Variants in ADRA1B observed in about 807,000 individuals in gnomAD.
ADRA1B encodes alpha-1B adrenergic receptor.
Under a neutral mutation model 17.9 loss-of-function variants are expected in ADRA1B, and 17 were observed. That is an observed-to-expected ratio of 0.95 (90% CI 0.65 to 1.42). The LOEUF is 1.42. ADRA1B is among the 40% of genes most tolerant of loss of function. ADRA1B has a pLI of 0.00. For synonymous variants in ADRA1B, 366 were observed against 327.6 expected, an observed-to-expected ratio of 1.12 and a Z score of -1.27; for missense variants, 681 against 722.1, an observed-to-expected ratio of 0.94 and a Z score of 0.65.
At chr5:159,911,821 C>T (rs1034183645), upstream of ADRA1B, among the ~76,000 whole-genome samples, 12 of 152,188 alleles carry the variant, frequency 7.9e-5, no homozygotes, top group South Asian at 2.1e-4. Context: ...AATTCTTCTT[C>T]GAGTCCCCAC....
Position 159,972,868 on chromosome 5 carries a change from C to G in ADRA1B, c.*376C>G, listed in dbSNP as rs955059278. On this transcript the variant is annotated 3_prime_UTR_variant, in exon 2 of 2. Coordinates refer to ENST00000306675, the MANE Select transcript of ADRA1B (RefSeq NM_000679.4). The stretch of plus-strand genomic sequence containing the variant: ...TGCGTGGGGCCGCCCTGTGAGGGCG[C>G]GGCGACTGTGCGCCCAGGAGGCAAC... Among the ~76,000 whole-genome samples, 2 of 152,150 alleles carry G rather than the reference C, an allele frequency of 1.3e-5. No homozygotes were observed. The highest frequency in any genetic ancestry group is 2.9e-5 in the Non-Finnish European group (2 of 68,024).
intron 1 of ADRA1B, chr5:159,950,417 T>C: frequency 1.4e-6 from 1 of 739,418 alleles, no homozygotes; most frequent in South Asian, 1.5e-5. Context: ...GGGGACTGTG[T>C]GTGGCAGGGA....
chr5:159,972,516 C>G lies in ADRA1B; in HGVS notation c.*24C>G. The G allele has an allele frequency of 9.6e-7, 1 of 1,037,964 alleles. No individual in the cohort carries two copies. Among genetic ancestry groups the G allele is most frequent in the Non-Finnish European group, 1.2e-6 (1 of 852,120 alleles). 64.3% of individuals were successfully genotyped at this position (1,037,964 alleles called of 1,614,324 possible). On this transcript the variant is annotated 3_prime_UTR_variant, in exon 2 of 2. Transcript: ENST00000306675. Reference sequence around the variant, plus strand: ...AGGGCCCCCGTGCGCAGCTTTCTTTCCCTGGGGAGGAAAACATCGTGGGGG... The same window carrying G: ...AGGGCCCCCGTGCGCAGCTTTCTTTGCCTGGGGAGGAAAACATCGTGGGGG...
chr5:159,901,196 A>G (rs187271051), intron 1 of ADRA1B, among the ~76,000 whole-genome samples: 258 of 151,896 alleles, frequency 1.7e-3, no homozygotes, highest in Non-Finnish European at 3.2e-3. Flanking sequence ...GAGATCAAAG[A>G]TAATCCATTC....
chr5:159,886,864 A>AAT (rs879651847), intron 1 of ADRA1B, among the ~76,000 whole-genome samples: 7 of 152,068 alleles, frequency 4.6e-5, no homozygotes, highest in Non-Finnish European at 7.4e-5. Flanking sequence ...TTCCTCTGTA[A>AAT]ATATATATAT....
At chr5:159,986,622 C>A in the ADRA1B span, among the ~76,000 whole-genome samples, 2 of 152,150 alleles carry the variant, frequency 1.3e-5, no homozygotes. Context: ...CACCTCCAGC[C>A]CCGTCTAACG....
intron 1 of ADRA1B, among the ~76,000 whole-genome samples, chr5:159,882,505 A>T (rs1753873956): frequency 6.6e-6 from 1 of 152,168 alleles, no homozygotes; most frequent in Non-Finnish European, 1.5e-5. Flanking sequence ...AGCTGTGCTG[A>T]CTCCCAGAGC....
chr5:159,901,545 T>C (rs990911302), intron 1 of ADRA1B, among the ~76,000 whole-genome samples: 1 of 152,192 alleles, frequency 6.6e-6, no homozygotes, highest in African/African-American at 2.4e-5. Flanking sequence ...AAATTTCTTA[T>C]AATTAACCAG....
At chr5:159,965,085 G>A (rs1755750321) in intron 1 of ADRA1B, among the ~76,000 whole-genome samples, 1 of 150,062 alleles carries the variant, frequency 6.7e-6, no homozygotes, top group South Asian at 2.1e-4. Context: ...TGTCTGAGCA[G>A]GTCCTTAACC....
intron 1 of ADRA1B, chr5:159,951,517 C>G (rs1239162262): frequency 1.2e-5 from 8 of 655,248 alleles, no homozygotes; most frequent in Non-Finnish European, 2.0e-5. Flanking sequence ...GGGGATGCAG[C>G]TGGCAATGCA....
chr5:159,958,913 A>C (rs533944609), intron 1 of ADRA1B, among the ~76,000 whole-genome samples: 1 of 152,356 alleles, frequency 6.6e-6, no homozygotes. Context: ...GTCTGGCATC[A>C]AAGATGGAAG....
chr5:159,880,193 A>C (rs1753848911), intron 1 of ADRA1B, among the ~76,000 whole-genome samples: 1 of 152,198 alleles, frequency 6.6e-6, no homozygotes, highest in Admixed American at 6.5e-5. Flanking sequence ...TATCATCTTC[A>C]TAGACTACAA....
chr5:159,892,940 C>T (rs1446484654), intron 1 of ADRA1B, among the ~76,000 whole-genome samples: 2 of 152,204 alleles, frequency 1.3e-5, no homozygotes, highest in African/African-American at 4.8e-5. Context: ...AACTAATTTA[C>T]ACTCCCACCA....
downstream of ADRA1B, among the ~76,000 whole-genome samples, chr5:159,977,664 G>A (rs1015070205): frequency 6.6e-6 from 1 of 152,204 alleles, no homozygotes; most frequent in Admixed American, 6.5e-5. Flanking sequence ...CTTGGGCAAT[G>A]AGTGGCTGAC....
At chr5:159,971,853 C>CGGGG in intron 1 of ADRA1B, 26 bp from the exon 2 acceptor site, 80 of 1,305,508 alleles carry the variant, frequency 6.1e-5, no homozygotes, top group South Asian at 9.1e-5. Context: ...TCTTTCTGCC[C>CGGGG]GTGCCCACCC....
chr5:159,909,563 T>A (rs1205652489), intron 1 of ADRA1B, among the ~76,000 whole-genome samples: 1 of 152,258 alleles, frequency 6.6e-6, no homozygotes, highest in Admixed American at 6.5e-5. Flanking sequence ...CATGTATTTA[T>A]TTCCTTATTT....
chr5:159,887,057 T>G (rs1753932834), intron 1 of ADRA1B, among the ~76,000 whole-genome samples: 1 of 152,144 alleles, frequency 6.6e-6, no homozygotes, highest in Non-Finnish European at 1.5e-5. Context: ...TGGTCAAAGA[T>G]TCTCCTTAGT....
downstream of ADRA1B, among the ~76,000 whole-genome samples, chr5:159,977,034 T>C (rs1424154507): frequency 6.6e-6 from 1 of 152,228 alleles, no homozygotes; most frequent in Non-Finnish European, 1.5e-5. Flanking sequence ...TAGACACTAT[T>C]TTTATTAACT....
chr5:159,973,096 G>A (rs981453163), downstream of ADRA1B, among the ~76,000 whole-genome samples: 4 of 152,188 alleles, frequency 2.6e-5, no homozygotes, highest in African/African-American at 9.7e-5. Context: ...CCGGTCCTAG[G>A]TCTTAGGGTC....
Sources: allele counts gnomAD v4.1 joint callset (sites outside exome capture counted in the v4.1 genomes callset), GRCh38; gene constraint gnomAD v4.1.1; transcripts MANE v1.5; gene names NCBI Gene and HGNC (gene_info 2026-07-23, HGNC 2026-07-21).